Variants in TSNAX observed in about 807,000 individuals in gnomAD.
The protein encoded by TSNAX is translin associated factor X.
TSNAX carries 12 observed loss-of-function variants against 33.0 expected under a neutral mutation model. The observed-to-expected ratio is 0.36, with a 90% CI of 0.23 to 0.59. The LOEUF (loss-of-function observed/expected upper bound fraction) is 0.59, where lower values mean the gene tolerates loss of function less well. TSNAX is among the 20% of genes least tolerant of loss of function. TSNAX has a pLI of 0.74. For synonymous variants in TSNAX, 110 were observed against 117.2 expected, an observed-to-expected ratio of 0.94 and a Z score of 0.40; for missense variants, 267 against 341.3, an observed-to-expected ratio of 0.78 and a Z score of 1.72.
At chr1:231,545,636 G>A (rs1299050299) in intron 4 of TSNAX, among the ~76,000 whole-genome samples, 1 of 151,546 alleles carries the variant, frequency 6.6e-6, no homozygotes, top group Non-Finnish European at 1.5e-5. Flanking sequence ...TTTTTCTTAA[G>A]TTTAGTTTAT....
At chr1:231,559,198 C>A (rs1660878722) in intron 4 of TSNAX, among the ~76,000 whole-genome samples, 1 of 152,076 alleles carries the variant, frequency 6.6e-6, no homozygotes, top group Admixed American at 6.5e-5. Context: ...GCTATTTTTA[C>A]AACAAACCTT....
chr1:231,543,145 T>G (rs1353069125), intron 4 of TSNAX, among the ~76,000 whole-genome samples: 1 of 151,192 alleles, frequency 6.6e-6, no homozygotes, highest in Non-Finnish European at 1.5e-5. Flanking sequence ...ACCACTGCAC[T>G]CCAGCCTGGG....
intron 1 of TSNAX, 46 bp from the exon 2 acceptor site, chr1:231,529,209 C>T (rs769347415): frequency 6.9e-6 from 11 of 1,594,748 alleles, no homozygotes; most frequent in Admixed American, 1.7e-5. Flanking sequence ...GTTTTGCAAA[C>T]TCTTGGTGAT....
intron 5 of TSNAX, among the ~76,000 whole-genome samples, chr1:231,561,518 AC>A (rs1356847352): frequency 6.6e-6 from 1 of 152,078 alleles, no homozygotes; most frequent in Non-Finnish European, 1.5e-5. Context: ...TTTTGGTTTT[AC>A]TCTCTATTTT....
chr1:231,552,459 C>G (rs184961890), intron 4 of TSNAX, among the ~76,000 whole-genome samples: 2 of 152,230 alleles, frequency 1.3e-5, no homozygotes, highest in East Asian at 3.9e-4. Flanking sequence ...AGATTTTTAG[C>G]AGAGTGGCCT....
At chr1:231,541,851 A>T (rs1419971465) in intron 3 of TSNAX, among the ~76,000 whole-genome samples, 4 of 152,190 alleles carry the variant, frequency 2.6e-5, no homozygotes, top group Non-Finnish European at 5.9e-5. Flanking sequence ...ACTCAACTGA[A>T]GACTTGAGGA....
chr1:231,552,218 GGCAGAGGTT>G (rs1210484162), intron 4 of TSNAX, among the ~76,000 whole-genome samples: 1 of 152,148 alleles, frequency 6.6e-6, no homozygotes, highest in Non-Finnish European at 1.5e-5. Context: ...GAACCCAGGT[GGCAGAGGTT>G]GCAGTGAGCC....
intron 4 of TSNAX, among the ~76,000 whole-genome samples, chr1:231,556,897 G>C (rs905387262): frequency 6.6e-6 from 1 of 151,870 alleles, no homozygotes; most frequent in African/African-American, 2.4e-5. Context: ...ATTAAGCATG[G>C]TCTTATAAGC....
intron 2 of TSNAX, among the ~76,000 whole-genome samples, chr1:231,530,659 C>T (rs982793350): frequency 1.1e-4 from 16 of 150,158 alleles, no homozygotes; most frequent in Admixed American, 6.7e-4. Flanking sequence ...TGCAGTGAGC[C>T]GAGATCGTGC....
At chr1:231,537,405 G>A (rs1659252092) in intron 3 of TSNAX, 78 bp downstream of exon 3, 2 of 932,474 alleles carry the variant, frequency 2.1e-6, no homozygotes, top group South Asian at 3.2e-5. Flanking sequence ...AGGATTAGAA[G>A]ACATCAGCAG....
At chr1:231,552,052 T>G (rs1028278099) in intron 4 of TSNAX, among the ~76,000 whole-genome samples, 4 of 152,026 alleles carry the variant, frequency 2.6e-5, no homozygotes, top group African/African-American at 9.7e-5. Context: ...TCTCAGCACT[T>G]TGGGAGGCCA....
intron 3 of TSNAX, among the ~76,000 whole-genome samples, chr1:231,539,569 G>T (rs1420424396): frequency 6.6e-6 from 1 of 152,156 alleles, no homozygotes; most frequent in Non-Finnish European, 1.5e-5. Flanking sequence ...GTTACTGTGT[G>T]AAGTCATCTT....
chr1:231,551,864 C>T (rs1660324519), intron 4 of TSNAX, among the ~76,000 whole-genome samples: 1 of 151,562 alleles, frequency 6.6e-6, no homozygotes, highest in South Asian at 2.1e-4. Flanking sequence ...TAGTTGCTTG[C>T]TCCTGTAGTC....
At chr1:231,559,032 G>A (rs1660868357) in intron 4 of TSNAX, among the ~76,000 whole-genome samples, 1 of 152,154 alleles carries the variant, frequency 6.6e-6, no homozygotes, top group Non-Finnish European at 1.5e-5. Context: ...TACTACAGCT[G>A]TTAGCCTCCC....
intron 4 of TSNAX, among the ~76,000 whole-genome samples, chr1:231,546,528 A>G (rs1659922738): frequency 6.6e-6 from 1 of 152,246 alleles, no homozygotes; most frequent in African/African-American, 2.4e-5. Context: ...AATCTCTGTA[A>G]GCTTTTGGAG....
chr1:231,558,037 C>G (rs2124938358), intron 4 of TSNAX, among the ~76,000 whole-genome samples: 1 of 152,196 alleles, frequency 6.6e-6, no homozygotes, highest in South Asian at 2.1e-4. Flanking sequence ...ACCCAAGGAA[C>G]TAAATTTGGC....
intron 5 of TSNAX, 63 bp from the exon 6 acceptor site, chr1:231,564,465 T>C: frequency 6.5e-7 from 1 of 1,541,468 alleles, no homozygotes; most frequent in Non-Finnish European, 8.7e-7. Context: ...TTCACTCTTT[T>C]TCACAGTGTT....
chr1:231,548,382 CT>C (rs1457314641), intron 4 of TSNAX, among the ~76,000 whole-genome samples: 1 of 152,128 alleles, frequency 6.6e-6, no homozygotes. Flanking sequence ...AGAGACTTAG[CT>C]TTAGAACCTA....
At chr1:231,536,533 T>C (rs1659188054) in intron 2 of TSNAX, 1 of 152,234 alleles carries the variant, frequency 6.6e-6, no homozygotes, top group Non-Finnish European at 1.5e-5. Flanking sequence ...TAGAAAATCT[T>C]CAAGGATTCA....
Sources: allele counts gnomAD v4.1 joint callset (sites outside exome capture counted in the v4.1 genomes callset), GRCh38; gene constraint gnomAD v4.1.1; transcripts MANE v1.5; gene names NCBI Gene and HGNC (gene_info 2026-07-23, HGNC 2026-07-21).